The following TRIM58 variants were observed in gnomAD, a reference collection of about 807,000 sequenced individuals.
TRIM58 encodes the protein tripartite motif containing 58.
TRIM58 carries 38 observed loss-of-function variants against 34.1 expected under a neutral mutation model. That is an observed-to-expected ratio of 1.12 (90% CI 0.86 to 1.46). TRIM58 has a LOEUF of 1.46. Ranked by LOEUF, TRIM58 falls within the 40% of genes most tolerant of loss-of-function variation. The pLI, the probability that TRIM58 is intolerant of heterozygous loss-of-function variation, is 0.00. For synonymous variants in TRIM58, 273 were observed against 275.7 expected (o/e 0.99, Z 0.10); for missense variants, 677 against 642.0 (o/e 1.05, Z -0.59).
intron 1 of TRIM58, among the ~76,000 whole-genome samples, chr1:247,859,644 G>T (rs1407289754): frequency 6.6e-6 from 1 of 151,898 alleles, no homozygotes; most frequent in East Asian, 1.9e-4. Flanking sequence ...TATAAAATAT[G>T]ATAACCTACC....
chr1:247,872,038 T>C (rs147310294), intron 5 of TRIM58, among the ~76,000 whole-genome samples: 66 of 152,226 alleles, frequency 4.3e-4, no homozygotes, highest in African/African-American at 1.5e-3. Context: ...TTCCAGGAGC[T>C]GTGAGGATGT....
Position 247,857,413 on chromosome 1 carries a change from C to T in TRIM58, c.167C>T (p.Ala56Val). 1 of 1,506,318 alleles carries T rather than the reference C, an allele frequency of 6.6e-7. No homozygotes were observed. Among genetic ancestry groups the T allele is most frequent in the South Asian group, 1.3e-5 (1 of 76,958 alleles). 93.3% of individuals were successfully genotyped at this position (1,506,318 alleles called of 1,614,324 possible). A position where few individuals can be genotyped will look rare whatever the true frequency, so the allele number is the denominator to read the frequency against. Residue 56 changes from alanine (A) to valine (V), a missense_variant, in exon 1 of 6, where the codon GCC becomes GTC. Physicochemically the swap from Ala to Val is moderately conservative, Grantham distance 64. Transcript: ENST00000366481. ...KSDGAQGGVY[A>V]CPQCRGPFRP... ...GACGGCGCGCAGGGCGGCGTCTACGCCTGTCCGCAGTGCCGGGGCCCCTTC... is the reference window on the plus strand; with the variant it reads ...GACGGCGCGCAGGGCGGCGTCTACGTCTGTCCGCAGTGCCGGGGCCCCTTC...
intron 2 of TRIM58, among the ~76,000 whole-genome samples, chr1:247,863,956 A>G (rs972478384): frequency 1.3e-5 from 2 of 152,206 alleles, no homozygotes; most frequent in Non-Finnish European, 2.9e-5. Flanking sequence ...ATTATGAAAC[A>G]GCATTCATAT....
intron 1 of TRIM58, among the ~76,000 whole-genome samples, chr1:247,858,112 A>C (rs547964264): frequency 6.6e-6 from 1 of 152,338 alleles, no homozygotes; most frequent in South Asian, 2.1e-4. Flanking sequence ...TGTTGTCAGC[A>C]AAGCAACCCT....
intron 3 of TRIM58, among the ~76,000 whole-genome samples, chr1:247,865,635 G>T (rs1663900916): frequency 1.3e-5 from 2 of 152,218 alleles, no homozygotes; most frequent in Admixed American, 1.3e-4. Context: ...CTCCCAGTCT[G>T]TTTGGGATTA....
intron 5 of TRIM58, among the ~76,000 whole-genome samples, chr1:247,868,331 C>G (rs144028986): frequency 6.6e-6 from 1 of 152,216 alleles, no homozygotes; most frequent in Non-Finnish European, 1.5e-5. Flanking sequence ...CCCATACTGA[C>G]AGAGCTCTAC....
chr1:247,874,436 C>A (rs532773959), intron 5 of TRIM58, among the ~76,000 whole-genome samples: 8 of 152,274 alleles, frequency 5.3e-5, no homozygotes, highest in Non-Finnish European at 1.0e-4. Context: ...CAGCACCCCC[C>A]ACTAGGCCCC....
chr1:247,869,319 G>C lies in TRIM58; in HGVS notation c.871+1256G>C, dbSNP rs146522691. ...CCTCTCCCTCTTCAGAGGTGGGGGG[G>C]GGTGAGGCGTGAAGGACTGAAAGTT... is the stretch of plus-strand genomic sequence containing the variant. On this transcript the variant is annotated intron_variant, in intron 5 of 5. Transcript: ENST00000366481. 1.4e-3 allele frequency among the ~76,000 whole-genome samples: 210 copies of C among 152,276 alleles called. 1 individual carries two copies. The highest frequency in any genetic ancestry group is 2.2e-3 in the Non-Finnish European group (149 of 68,014).
chr1:247,865,818 A>G (rs1169103207), intron 3 of TRIM58, among the ~76,000 whole-genome samples: 7 of 152,148 alleles, frequency 4.6e-5, no homozygotes, highest in Non-Finnish European at 8.8e-5. Context: ...CTCCCCAGTG[A>G]CTCACGCAGG....
chr1:247,872,702 A>G (rs943710916), intron 5 of TRIM58, among the ~76,000 whole-genome samples: 1 of 152,204 alleles, frequency 6.6e-6, no homozygotes, highest in Non-Finnish European at 1.5e-5. Flanking sequence ...CAAAGCAATG[A>G]ACCAGCCAGC....
intron 5 of TRIM58, among the ~76,000 whole-genome samples, chr1:247,871,310 G>A (rs891726212): frequency 3.9e-5 from 6 of 152,214 alleles, no homozygotes; most frequent in Non-Finnish European, 7.3e-5. Flanking sequence ...TATTGGCTGA[G>A]AATTTGATGA....
At chr1:247,866,483 T>G (rs1237294856) in intron 3 of TRIM58, among the ~76,000 whole-genome samples, 1 of 152,202 alleles carries the variant, frequency 6.6e-6, no homozygotes, top group Non-Finnish European at 1.5e-5. Flanking sequence ...GTGCCCGGCT[T>G]GACAATTTCA....
chr1:247,878,636 G>T lies in TRIM58; in HGVS notation c.*2147G>T, dbSNP rs1475699107. On this transcript the variant is annotated 3_prime_UTR_variant, in exon 6 of 6. Coordinates refer to ENST00000366481, the MANE Select transcript of TRIM58 (RefSeq NM_015431.4). ...CCCACAGGGATCAGGTGGGTGGCTT[G>T]AGATACCCCTTCCATGGGGCACCAC... Among the ~76,000 whole-genome samples, 1 of 152,194 alleles carries T rather than the reference G, an allele frequency of 6.6e-6. No individual in the cohort carries two copies. The highest frequency in any genetic ancestry group is 1.5e-5 in the Non-Finnish European group (1 of 68,032).
rs1659338124 is a variant in TRIM58, at chr1:247,878,393, C to G, written c.*1904C>G. Among the ~76,000 whole-genome samples the G allele has an allele frequency of 6.6e-6, 1 of 152,034 alleles. No homozygotes were observed. Among genetic ancestry groups the G allele is most frequent in the African/African-American group, 2.4e-5 (1 of 41,386 alleles). On this transcript the variant is annotated 3_prime_UTR_variant, in exon 6 of 6. Transcript: ENST00000366481. ...TTTTCGACTGACATCTTTAACTTAC[C>G]TTCCAATCATATTACTAACGTAGCC...
intron 5 of TRIM58, among the ~76,000 whole-genome samples, chr1:247,874,051 A>G (rs2103335108): frequency 6.6e-6 from 1 of 151,906 alleles, no homozygotes; most frequent in South Asian, 2.1e-4. Flanking sequence ...CAGTAGCAGT[A>G]GAAACAGTAT....
chr1:247,873,715 C>T (rs1659201571), intron 5 of TRIM58, among the ~76,000 whole-genome samples: 3 of 152,190 alleles, frequency 2.0e-5, no homozygotes, highest in African/African-American at 7.2e-5. Context: ...CGCCTGTAAT[C>T]CCAACATTTT....
At chr1:247,869,888 A>G (rs79570023) in intron 5 of TRIM58, among the ~76,000 whole-genome samples, 4,323 of 152,318 alleles carry the variant, frequency 0.028, 221 homozygotes, top group African/African-American at 0.099. Flanking sequence ...AGTGGGATAC[A>G]GATGCTTATA....
intron 2 of TRIM58, among the ~76,000 whole-genome samples, chr1:247,861,866 G>A (rs1254853324): frequency 6.6e-6 from 1 of 151,672 alleles, no homozygotes; most frequent in Non-Finnish European, 1.5e-5. Context: ...GCTCACACCT[G>A]TAATCTCAGC....
At chr1:247,859,823 GA>G (rs1206224928) in intron 1 of TRIM58, among the ~76,000 whole-genome samples, 2 of 151,716 alleles carry the variant, frequency 1.3e-5, no homozygotes, top group Admixed American at 6.6e-5. Flanking sequence ...GTTATATAGA[GA>G]AATATATGAA....
Sources: allele counts gnomAD v4.1 joint callset (sites outside exome capture counted in the v4.1 genomes callset), GRCh38; gene constraint gnomAD v4.1.1; transcripts MANE v1.5; gene names NCBI Gene and HGNC (gene_info 2026-07-23, HGNC 2026-07-21).